Variants in EVC2 observed in about 807,000 individuals in gnomAD.
EVC2 encodes the protein EvC ciliary complex subunit 2.
In EVC2, 148 loss-of-function variants were observed where a neutral mutation model predicts 149.3. The ratio of observed to expected loss-of-function variants is 0.99; its 90% CI spans 0.87 to 1.14. EVC2 has a LOEUF of 1.14. Ranked by LOEUF, EVC2 falls within the 50% of genes most tolerant of loss-of-function variation. The probability of loss-of-function intolerance (pLI) is 0.00; values close to 1 mark genes in which losing one functional copy is unlikely to be tolerated. For synonymous variants in EVC2, 776 were observed against 649.9 expected (o/e 1.19, Z -2.95); for missense variants, 1,854 against 1,627.3 (o/e 1.14, Z -2.40).
Position 5,679,982 on chromosome 4 carries a change from T to C in EVC2, c.870+1278A>G, listed in dbSNP as rs902907032. On this transcript the variant is annotated intron_variant, in intron 7 of 21. Coordinates refer to ENST00000344408, the MANE Select transcript of EVC2 (RefSeq NM_147127.5). The surrounding 1 kb of genome is among the most constrained non-coding windows in gnomAD (Gnocchi z 5.1). ...TTTTTTAAAACACTTCTTAAACTTT[T>C]TGTTAAAAACTAAGACACACATTAG... 6.6e-6 allele frequency among the ~76,000 whole-genome samples: 1 copy of C among 152,216 alleles called. No homozygotes were observed. Among genetic ancestry groups the C allele is most frequent in the Non-Finnish European group, 1.5e-5 (1 of 68,044 alleles).
At chr4:5,575,626 C>T (rs1171335851) in intron 18 of EVC2, among the ~76,000 whole-genome samples, 4 of 152,190 alleles carry the variant, frequency 2.6e-5, no homozygotes, top group African/African-American at 9.7e-5. Flanking sequence ...TAGACTTTGC[C>T]TCCAGTCCTT....
intron 1 of EVC2, among the ~76,000 whole-genome samples, chr4:5,700,540 C>G (rs1251957158): frequency 6.6e-6 from 1 of 152,188 alleles, no homozygotes; most frequent in Non-Finnish European, 1.5e-5. Flanking sequence ...CATTGCCACT[C>G]AGGAGGAAGG....
At chr4:5,579,639 C>T (rs1168913807) in intron 17 of EVC2, among the ~76,000 whole-genome samples, 1 of 152,040 alleles carries the variant, frequency 6.6e-6, no homozygotes, top group African/African-American at 2.4e-5. Context: ...GTCAGGAGTT[C>T]GAGACCAGCC....
chr4:5,672,454 A>G (rs1248323154), intron 7 of EVC2, among the ~76,000 whole-genome samples: 5 of 152,180 alleles, frequency 3.3e-5, no homozygotes, highest in Middle Eastern at 3.2e-3. Context: ...GCCTGGAGGA[A>G]GGTAAATCTG....
At chr4:5,597,495 A>G (rs1292699765) in intron 16 of EVC2, among the ~76,000 whole-genome samples, 1 of 150,974 alleles carries the variant, frequency 6.6e-6, no homozygotes, top group Non-Finnish European at 1.5e-5. Flanking sequence ...GATGCAGAAA[A>G]GGCCTTTGAC....
chr4:5,561,110 G>A (rs1289680326), downstream of EVC2, among the ~76,000 whole-genome samples: 1 of 152,104 alleles, frequency 6.6e-6, no homozygotes, highest in Non-Finnish European at 1.5e-5. Flanking sequence ...TGAAATTTTT[G>A]CATGCAATCT....
In EVC2 at chr4:5,614,715, C is replaced by T. The variant is rs1205105807; in HGVS notation, c.2829+707G>A. The stretch of plus-strand genomic sequence containing the variant: ...GGGCTGGGCCAGGCACAGTGCCTCA[C>T]GCCTGTAATCCCAGCACTTTGGGAA... On this transcript the variant is annotated intron_variant, in intron 16 of 21. Coordinates refer to ENST00000344408, the MANE Select transcript of EVC2 (RefSeq NM_147127.5). The surrounding 1 kb of genome is among the most constrained non-coding windows in gnomAD (Gnocchi z 4.7). 2.0e-5 allele frequency among the ~76,000 whole-genome samples: 3 copies of T among 152,090 alleles called. No individual in the cohort carries two copies. Among genetic ancestry groups the T allele is most frequent in the African/African-American group, 4.8e-5 (2 of 41,410 alleles).
the EVC2 span, among the ~76,000 whole-genome samples, chr4:5,535,485 T>C: frequency 6.6e-6 from 1 of 152,076 alleles, no homozygotes; most frequent in African/African-American, 2.4e-5. The surrounding 1 kb of genome is among the most constrained non-coding windows in gnomAD (Gnocchi z 4.7). Context: ...CGGACTGCTA[T>C]AACAAATTAT....
Position 5,576,266 on chromosome 4 carries a change from C to T in EVC2, c.3246G>A (p.Gln1082=). 6.2e-7 allele frequency: 1 copy of T among 1,614,192 alleles called. No individual in the cohort carries two copies. The highest frequency in any genetic ancestry group is 8.5e-7 in the Non-Finnish European group (1 of 1,180,030). ...TVLHQALSKS[Q]TLLEQHQQCL... is the part of the protein sequence containing the mutation. ...ACTGCTGATGTTGCTCCAGTAATGT[C>T]TGGCTCTTGCTCAGGGCTTGGTGCA... is the stretch of plus-strand genomic sequence containing the variant. Residue 1082 remains glutamine, a synonymous_variant, in exon 18 of 22, where the codon CAG becomes CAA. Coordinates refer to ENST00000344408, the MANE Select transcript of EVC2 (RefSeq NM_147127.5). The surrounding 1 kb of genome is among the most constrained non-coding windows in gnomAD (Gnocchi z 4.5).
At position 5,562,713 on chromosome 4, in the gene EVC2, T is replaced by C; in HGVS notation, c.*135A>G. The C allele has an allele frequency of 6.5e-7, 1 of 1,548,200 alleles. No individual in the cohort carries two copies. The highest frequency in any genetic ancestry group is 8.6e-7 in the Non-Finnish European group (1 of 1,156,618). ...TAAACCGAGTCCCTGCAAGTTGGCATGCGCTACGGGGTCTGTGCCTTCTGC... is the reference window on the plus strand; with the variant it reads ...TAAACCGAGTCCCTGCAAGTTGGCACGCGCTACGGGGTCTGTGCCTTCTGC... On this transcript the variant is annotated 3_prime_UTR_variant, in exon 22 of 22. Transcript: ENST00000344408. The surrounding 1 kb of genome is among the most constrained non-coding windows in gnomAD (Gnocchi z 4.3).
intron 9 of EVC2, among the ~76,000 whole-genome samples, chr4:5,658,814 A>G (rs1247763300): frequency 6.6e-6 from 1 of 152,244 alleles, no homozygotes; most frequent in Non-Finnish European, 1.5e-5. Flanking sequence ...GAATTAAATA[A>G]GATCGCAGGC....
intron 21 of EVC2, among the ~76,000 whole-genome samples, chr4:5,564,819 G>T (rs151326740): frequency 1.3e-5 from 2 of 152,248 alleles, no homozygotes; most frequent in Middle Eastern, 3.4e-3. Flanking sequence ...GAAAATAAAG[G>T]GGGCAGTGAG....
intron 11 of EVC2, among the ~76,000 whole-genome samples, chr4:5,630,065 C>T (rs1716417261): frequency 6.6e-6 from 1 of 152,176 alleles, no homozygotes; most frequent in African/African-American, 2.4e-5. Flanking sequence ...ATCTAAGTAA[C>T]GCCATGGCGT....
In EVC2 at chr4:5,571,689, G is replaced by C. The variant is rs183061777; in HGVS notation, c.3360+2996C>G. Reference sequence around the variant, plus strand: ...GTACAAAAAGAAAACGGCAAAATATGGGGCTTCCTCCAGTCTGGATGTGCT... The same window carrying C: ...GTACAAAAAGAAAACGGCAAAATATCGGGCTTCCTCCAGTCTGGATGTGCT... On this transcript the variant is annotated intron_variant, in intron 19 of 21. Transcript: ENST00000344408. Among the ~76,000 whole-genome samples the C allele has an allele frequency of 5.3e-5, 8 of 152,306 alleles. No homozygotes were observed. In the East Asian group the frequency reaches 1.5e-3, roughly 30 times the overall value.
chr4:5,599,586 G>C (rs1247369954), intron 16 of EVC2, among the ~76,000 whole-genome samples: 1 of 152,158 alleles, frequency 6.6e-6, no homozygotes, highest in African/African-American at 2.4e-5. Flanking sequence ...TGGGCAGAGG[G>C]GGGAGGGATA....
intron 21 of EVC2, among the ~76,000 whole-genome samples, chr4:5,552,633 C>A (rs1281065266): frequency 6.6e-6 from 1 of 152,194 alleles, no homozygotes; most frequent in Non-Finnish European, 1.5e-5. Flanking sequence ...TGGCACAGGA[C>A]CATGAATAAA....
intron 16 of EVC2, among the ~76,000 whole-genome samples, chr4:5,606,945 G>T (rs1714440106): frequency 6.6e-6 from 1 of 152,196 alleles, no homozygotes; most frequent in Non-Finnish European, 1.5e-5. Context: ...GCAGAGCTCA[G>T]ACTCTGGAGC....
intron 14 of EVC2, among the ~76,000 whole-genome samples, chr4:5,620,084 G>A (rs1715574416): frequency 1.3e-5 from 2 of 152,178 alleles, no homozygotes; most frequent in Admixed American, 1.3e-4. Context: ...GGGGCCCTCT[G>A]CTGACAACAC....
chr4:5,686,942 T>G lies in EVC2; in HGVS notation c.707-1463A>C, dbSNP rs10937660. 0.48 allele frequency among the ~76,000 whole-genome samples: 73,704 copies of G among 151,998 alleles called. 18,934 individuals are homozygous for G. Among genetic ancestry groups the G allele is most frequent in the South Asian group, 0.65 (3,126 of 4,808 alleles). On this transcript the variant is annotated intron_variant, in intron 5 of 21. Coordinates refer to ENST00000344408, the MANE Select transcript of EVC2 (RefSeq NM_147127.5). The surrounding 1 kb of genome is among the most constrained non-coding windows in gnomAD (Gnocchi z 5.4). ...TAAGCATGGGCATAAATAACAAGAA[T>G]GGAGCAGTAAGAATAAAAATAACAA...
Sources: gnomAD v4.1 joint callset for allele counts (sites outside exome capture counted in the v4.1 genomes callset) on GRCh38, gnomAD v4.1.1 for gene constraint, Gnocchi (gnomAD v3.1) non-coding constraint, MANE v1.5 for transcripts, NCBI Gene and HGNC (gene_info 2026-07-23, HGNC 2026-07-21) for gene names.